ATP11B: variants seen among roughly 807,000 people sequenced by gnomAD.
The protein encoded by ATP11B is ATPase phospholipid transporting 11B (putative).
Under a neutral mutation model 157.8 loss-of-function variants are expected in ATP11B, and 81 were observed. The ratio of observed to expected loss-of-function variants is 0.51; its 90% CI spans 0.43 to 0.62. The LOEUF is 0.62. Ranked by LOEUF, ATP11B falls within the 20% of genes least tolerant of loss-of-function variation. The pLI is 0.00. For synonymous variants in ATP11B, 451 were observed against 469.4 expected (o/e 0.96, Z 0.51); for missense variants, 1,165 against 1,402.2 (o/e 0.83, Z 2.70).
At chr3:182,911,271 G>GCCCCCC (rs4063413) in intron 28 of ATP11B, among the ~76,000 whole-genome samples, 14 of 76,592 alleles carry the variant, frequency 1.8e-4, no homozygotes, top group Middle Eastern at 8.8e-3. Flanking sequence ...CTATTGAAAT[G>GCCCCCC]CCCCCCCCCG....
At position 182,887,569 on chromosome 3, in the gene ATP11B, C is replaced by T. The variant is rs751747559; in HGVS notation, c.2716-17C>T. 15 of 1,598,596 alleles carry T rather than the reference C, an allele frequency of 9.4e-6. No individual in the cohort carries two copies. The South Asian group carries it at 1.7e-4, about 18-fold the overall frequency. ...ATAATTCAGAAACTCAACATTCCTACCAATTTCTCTTTCTAGACATTGTAT... is the reference window on the plus strand; with the variant it reads ...ATAATTCAGAAACTCAACATTCCTATCAATTTCTCTTTCTAGACATTGTAT... On this transcript the variant is annotated splice_polypyrimidine_tract_variant and intron_variant, in intron 23 of 29. Transcript: ENST00000323116.
chr3:182,847,202 C>T (rs1034151613), intron 9 of ATP11B, among the ~76,000 whole-genome samples: 3 of 152,186 alleles, frequency 2.0e-5, no homozygotes, highest in Admixed American at 1.3e-4. Context: ...AGGCATGTGC[C>T]ACCATGCCCG....
intron 28 of ATP11B, among the ~76,000 whole-genome samples, chr3:182,904,909 AAAAG>A (rs1253634375): frequency 1.4e-4 from 21 of 147,444 alleles, no homozygotes; most frequent in African/African-American, 5.1e-4. Context: ...AAAAAAAAAA[AAAAG>A]GATTAATTCA....
intron 10 of ATP11B, among the ~76,000 whole-genome samples, chr3:182,853,231 CAG>C (rs1474163465): frequency 4.6e-5 from 7 of 152,064 alleles, no homozygotes; most frequent in Non-Finnish European, 1.0e-4. Flanking sequence ...TTTTTTGAGA[CAG>C]AGTCTCACTC....
rs1020795262 is a variant in ATP11B at position 182,823,169 on chromosome 3, T to A, written c.144+2793T>A. Among the ~76,000 whole-genome samples, 5 of 152,368 alleles carry A rather than the reference T, an allele frequency of 3.3e-5. No homozygotes were observed. The East Asian group carries it at 7.7e-4, about 24-fold the overall frequency. On this transcript the variant is annotated intron_variant, in intron 2 of 29. Coordinates refer to ENST00000323116, the MANE Select transcript of ATP11B (RefSeq NM_014616.3). ...TTTTGTTGCCATTGCTTTTGGTGTTTTAGACATGAAGTCCTTGCCCATGCC... is the reference window on the plus strand; with the variant it reads ...TTTTGTTGCCATTGCTTTTGGTGTTATAGACATGAAGTCCTTGCCCATGCC...
chr3:182,867,315 A>T, intron 14 of ATP11B, 61 bp from the exon 15 acceptor site: 1 of 942,484 alleles, frequency 1.1e-6, no homozygotes, highest in South Asian at 1.4e-5. Flanking sequence ...AGCTATAGTG[A>T]CATTGTGAAA....
intron 2 of ATP11B, among the ~76,000 whole-genome samples, chr3:182,826,333 A>G (rs557862712): frequency 1.3e-5 from 2 of 152,332 alleles, no homozygotes; most frequent in African/African-American, 2.4e-5. Flanking sequence ...GCCAATTTAT[A>G]TAGCTGTTCT....
intron 1 of ATP11B, among the ~76,000 whole-genome samples, chr3:182,810,280 C>T (rs925947717): frequency 2.6e-5 from 4 of 152,022 alleles, no homozygotes; most frequent in East Asian, 3.9e-4. Flanking sequence ...TGCAGCGAGC[C>T]GAGATGGCAC....
Position 182,878,510 on chromosome 3 carries a change from T to G in ATP11B, c.2253-986T>G, listed in dbSNP as rs1471583862. ...AAGTATTATTACCAAAGGAGAATTG[T>G]GGGGGGAAGCAGTTTAATAAAATAG... On this transcript the variant is annotated intron_variant, in intron 19 of 29. Transcript: ENST00000323116. Among the ~76,000 whole-genome samples the G allele has an allele frequency of 2.6e-5, 4 of 152,184 alleles. No homozygotes were observed. In the South Asian group the frequency reaches 8.3e-4, roughly 32 times the overall value.
chr3:182,828,590 C>G (rs1523061), intron 3 of ATP11B, among the ~76,000 whole-genome samples: 78,450 of 151,386 alleles, frequency 0.52, 23,138 homozygotes, highest in Non-Finnish European at 0.67. Context: ...ACAAAGTAAA[C>G]TTTTCTTTGG....
intron 25 of ATP11B, among the ~76,000 whole-genome samples, chr3:182,895,772 G>A (rs1416399106): frequency 6.6e-6 from 1 of 152,152 alleles, no homozygotes; most frequent in Non-Finnish European, 1.5e-5. Context: ...GGAGGGGTCT[G>A]GGCAGTATGG....
chr3:182,852,171 A>G (rs1176481795), intron 10 of ATP11B, among the ~76,000 whole-genome samples: 3 of 152,232 alleles, frequency 2.0e-5, no homozygotes, highest in Non-Finnish European at 2.9e-5. Context: ...TAACTGACTC[A>G]TGGGTCAAAG....
At chr3:182,809,032 G>A (rs566033373) in intron 1 of ATP11B, among the ~76,000 whole-genome samples, 1 of 151,496 alleles carries the variant, frequency 6.6e-6, no homozygotes, top group African/African-American at 2.4e-5. Flanking sequence ...TAAAAAGTTG[G>A]CAACCCTATG....
chr3:182,847,938 C>T (rs1719663861), intron 9 of ATP11B, among the ~76,000 whole-genome samples: 1 of 152,206 alleles, frequency 6.6e-6, no homozygotes, highest in South Asian at 2.1e-4. Flanking sequence ...ATCTCAAAGT[C>T]ATTCAATAGG....
chr3:182,842,487 A>G (rs535696965), intron 8 of ATP11B, among the ~76,000 whole-genome samples: 1 of 152,312 alleles, frequency 6.6e-6, no homozygotes, highest in African/African-American at 2.4e-5. Flanking sequence ...GCCACTCTCC[A>G]GAAACCTCTG....
intron 1 of ATP11B, among the ~76,000 whole-genome samples, chr3:182,796,186 TAA>T (rs1715585531): frequency 6.6e-6 from 1 of 152,186 alleles, no homozygotes; most frequent in South Asian, 2.1e-4. Context: ...AGGCTGAAAA[TAA>T]AAAGATTGGA....
At chr3:182,885,526 G>T (rs1257665670) in intron 22 of ATP11B, among the ~76,000 whole-genome samples, 1 of 151,974 alleles carries the variant, frequency 6.6e-6, no homozygotes, top group Non-Finnish European at 1.5e-5. Flanking sequence ...GCTTTTACTT[G>T]TAATATGAGT....
At position 182,881,842 on chromosome 3, in the gene ATP11B, G is replaced by A. The variant is rs954510947; in HGVS notation, c.2509+861G>A. On this transcript the variant is annotated intron_variant, in intron 21 of 29. Coordinates refer to ENST00000323116, the MANE Select transcript of ATP11B (RefSeq NM_014616.3). The stretch of plus-strand genomic sequence containing the variant: ...TTTGTGCATCTAAAGATCCTACAGC[G>A]CATTTTAAAGATCATTATAAAGACA... 1.8e-4 allele frequency among the ~76,000 whole-genome samples: 27 copies of A among 152,000 alleles called. 1 individual carries two copies. Among genetic ancestry groups the A allele is most frequent in the African/African-American group, 6.5e-4 (27 of 41,366 alleles).
intron 4 of ATP11B, 29 bp from the exon 5 acceptor site, chr3:182,836,006 A>G (rs779911881): frequency 1.3e-6 from 2 of 1,550,206 alleles, no homozygotes; most frequent in South Asian, 2.4e-5. Context: ...ATACTGAAAA[A>G]TTATTTTTTA....
Sources: allele counts gnomAD v4.1 joint callset (sites outside exome capture counted in the v4.1 genomes callset), GRCh38; gene constraint gnomAD v4.1.1; transcripts MANE v1.5; gene names NCBI Gene and HGNC (gene_info 2026-07-23, HGNC 2026-07-21).